The following ST7 variants were observed in gnomAD, a reference collection of about 807,000 sequenced individuals.
ST7 encodes the protein suppressor of tumorigenicity 7 protein.
ST7 carries 28 observed loss-of-function variants against 78.7 expected under a neutral mutation model. The ratio of observed to expected loss-of-function variants is 0.36; its 90% CI spans 0.26 to 0.49. The LOEUF (loss-of-function observed/expected upper bound fraction) is 0.49, where lower values mean the gene tolerates loss of function less well. Among genes scored for constraint, ST7 ranks in the 20% least tolerant of loss-of-function variants. The pLI, the probability that ST7 is intolerant of heterozygous loss-of-function variation, is 0.99. For missense variants in ST7, 418 were observed against 696.0 expected (o/e 0.60, Z 4.49); for synonymous variants, 247 against 249.6 (o/e 0.99, Z 0.10).
chr7:117,071,746 G>C (rs1287240873), intron 1 of ST7, among the ~76,000 whole-genome samples: 1 of 152,200 alleles, frequency 6.6e-6, no homozygotes, highest in Non-Finnish European at 1.5e-5. Context: ...CACTGAGGAA[G>C]CTGCATGACA....
At chr7:117,061,761 C>T (rs1798367913) in intron 1 of ST7, among the ~76,000 whole-genome samples, 1 of 152,134 alleles carries the variant, frequency 6.6e-6, no homozygotes, top group Non-Finnish European at 1.5e-5. Flanking sequence ...GTAGCCATTA[C>T]TGTGCCAGAA....
rs751948037 is a variant in ST7 at position 116,981,114 on chromosome 7, GT to G, written c.151+27434del. The stretch of plus-strand genomic sequence containing the variant: ...CAATTTGAATTTGTTCAGTAGTTTT[GT>G]TTTTTTTTTTAAATAGACAATCTTG... On this transcript the variant is annotated intron_variant, in intron 1 of 15. Coordinates refer to ENST00000323984, the MANE Select transcript of ST7 (RefSeq NM_001369598.1). Among the ~76,000 whole-genome samples, 26 of 145,426 alleles carry G rather than the reference GT, an allele frequency of 1.8e-4. No homozygotes were observed. The Middle Eastern group carries it at 0.011, about 60-fold the overall frequency.
Position 117,229,769 on chromosome 7 carries a change from G to A in ST7, c.1646G>A (p.Ser549Asn). 3 of 1,611,364 alleles carry A rather than the reference G, an allele frequency of 1.9e-6. No homozygotes were observed. The highest frequency in any genetic ancestry group is 2.5e-6 in the Non-Finnish European group (3 of 1,179,096). The change falls in exon 16 of 16, where the codon AGC becomes AAC. Residue 549 changes from serine to asparagine, a missense_variant. By Grantham distance (46) the Ser-to-Asn change is conservative. This residue lies in a region of ST7 where 288 missense variants were observed against 537.1 expected (regional missense o/e 0.54). Transcript: ENST00000323984. ...TGTCTGGTTTCTTTGCAGTTCCTCA[G>A]CACTTTGTTTGCCCCCTTAAACTTT... ...LMGVFAKAFLSTLFAPLNFVM... is the reference protein window; with the variant it reads ...LMGVFAKAFLNTLFAPLNFVM...
chr7:117,111,704 C>T (rs1802444158), intron 2 of ST7, among the ~76,000 whole-genome samples: 2 of 152,290 alleles, frequency 1.3e-5, no homozygotes, highest in East Asian at 3.9e-4. Flanking sequence ...CACAAGCCTT[C>T]CCATCCCAGT....
intron 1 of ST7, chr7:117,020,629 T>G (rs1795849958): frequency 1.3e-6 from 2 of 1,551,008 alleles, no homozygotes; most frequent in Admixed American, 3.9e-5. Flanking sequence ...TGAATCTTCA[T>G]GTAAGTAAAT....
intron 1 of ST7, chr7:116,968,474 T>A (rs567409458): frequency 2.2e-6 from 1 of 452,116 alleles, no homozygotes; most frequent in South Asian, 1.6e-5. Flanking sequence ...TTCTGATTAT[T>A]TCGACTACGG....
chr7:117,065,733 A>G (rs1247059733), intron 1 of ST7, among the ~76,000 whole-genome samples: 1 of 151,994 alleles, frequency 6.6e-6, no homozygotes, highest in East Asian at 1.9e-4. Context: ...TATGCTCCTC[A>G]CCTCTCAGCA....
chr7:117,194,477 G>T (rs970031854), intron 12 of ST7, among the ~76,000 whole-genome samples: 1 of 152,072 alleles, frequency 6.6e-6, no homozygotes, highest in African/African-American at 2.4e-5. Flanking sequence ...TCTCCTCCGT[G>T]GTGTCTCACT....
At chr7:117,091,732 C>G (rs1056705429) in intron 1 of ST7, among the ~76,000 whole-genome samples, 1 of 152,150 alleles carries the variant, frequency 6.6e-6, no homozygotes. Context: ...ATATTGCTGC[C>G]TAACAAATTT....
chr7:117,150,745 TCC>T (rs1212144885), intron 9 of ST7, among the ~76,000 whole-genome samples: 1 of 152,188 alleles, frequency 6.6e-6, no homozygotes. Flanking sequence ...TCTGTTGAAC[TCC>T]AGATTTATAT....
In ST7 at chr7:117,219,278, C is replaced by A; in HGVS notation, c.1498+102C>A. On this transcript the variant is annotated intron_variant, in intron 14 of 15. Coordinates refer to ENST00000323984, the MANE Select transcript of ST7 (RefSeq NM_001369598.1). The surrounding 1 kb of genome is among the most constrained non-coding windows in gnomAD (Gnocchi z 5.1). ...TTAGAATGCTCCTTGTCTTTTATTA[C>A]TTTTCTCCAAACCCCTGTCCTTGTT... The A allele has an allele frequency of 1.1e-6, 1 of 935,980 alleles. No homozygotes were observed. The highest frequency in any genetic ancestry group is 1.6e-6 in the Non-Finnish European group (1 of 613,672). The allele number at this position is 935,980 out of a possible 1,614,324, so 58.0% of individuals were successfully genotyped here. A position where few individuals can be genotyped will look rare whatever the true frequency, so the allele number is the denominator to read the frequency against.
At chr7:116,996,004 C>G (rs1794633589) in intron 1 of ST7, among the ~76,000 whole-genome samples, 1 of 151,930 alleles carries the variant, frequency 6.6e-6, no homozygotes, top group Admixed American at 6.6e-5. Flanking sequence ...ACTAGAGTTC[C>G]TACCCCTTCT....
intron 1 of ST7, among the ~76,000 whole-genome samples, chr7:117,087,527 A>C (rs1021304484): frequency 6.6e-6 from 1 of 152,230 alleles, no homozygotes; most frequent in African/African-American, 2.4e-5. Flanking sequence ...ATTATACTTC[A>C]TAGAAGGGCT....
At chr7:117,180,735 A>C (rs1479369540) in intron 10 of ST7, among the ~76,000 whole-genome samples, 1 of 152,116 alleles carries the variant, frequency 6.6e-6, no homozygotes, top group Non-Finnish European at 1.5e-5. Flanking sequence ...CTGCAGTCTC[A>C]ACTTCCCATG....
At position 117,008,483 on chromosome 7, in the gene ST7, C is replaced by T. The variant is rs561907380; in HGVS notation, c.151+54792C>T. Among the ~76,000 whole-genome samples the T allele has an allele frequency of 4.8e-4, 73 of 152,152 alleles. No homozygotes were observed. In the Middle Eastern group the frequency reaches 0.017, roughly 35 times the overall value. ...ATTGAAGAGACTTGGAAATCTTAGC[C>T]CATGATTTCCATTTTTATATAATCT... On this transcript the variant is annotated intron_variant, in intron 1 of 15. Coordinates refer to ENST00000323984, the MANE Select transcript of ST7 (RefSeq NM_001369598.1).
chr7:117,058,270 T>C (rs1268273736), intron 1 of ST7, among the ~76,000 whole-genome samples: 1 of 152,194 alleles, frequency 6.6e-6, no homozygotes, highest in Non-Finnish European at 1.5e-5. Context: ...TTATTTCCTA[T>C]AATGTTTGTA....
intron 2 of ST7, among the ~76,000 whole-genome samples, chr7:117,112,094 ATG>A (rs149580533): frequency 4.8e-4 from 73 of 150,988 alleles, no homozygotes; most frequent in African/African-American, 1.6e-3. Context: ...ATATATATGC[ATG>A]TGTGTGTGTG....
At chr7:117,223,673 A>C (rs2116199491) in intron 15 of ST7, 1 of 152,494 alleles carries the variant, frequency 6.6e-6, no homozygotes, top group Non-Finnish European at 1.5e-5. Flanking sequence ...AGCTTTCTTT[A>C]AAGTTCTTCT....
intron 13 of ST7, among the ~76,000 whole-genome samples, chr7:117,210,160 T>C (rs1181107795): frequency 6.6e-6 from 1 of 152,158 alleles, no homozygotes; most frequent in African/African-American, 2.4e-5. Flanking sequence ...TAAGTTTATA[T>C]TATAGATGGG....
Sources: gnomAD v4.1 joint callset for allele counts (sites outside exome capture counted in the v4.1 genomes callset) on GRCh38, gnomAD v4.1.1 for gene constraint, gnomAD v4.1.1 regional missense constraint, Gnocchi (gnomAD v3.1) non-coding constraint, MANE v1.5 for transcripts, NCBI Gene and HGNC (gene_info 2026-07-23, HGNC 2026-07-21) for gene names.